Variants in ADAMTS3 observed in about 807,000 individuals in gnomAD.
ADAMTS3 encodes A disintegrin and metalloproteinase with thrombospondin motifs 3.
ADAMTS3 carries 73 observed loss-of-function variants against 129.0 expected under a neutral mutation model. The ratio of observed to expected loss-of-function variants is 0.57; its 90% CI spans 0.47 to 0.69. The LOEUF is 0.69. Ranked by LOEUF, ADAMTS3 falls within the 30% of genes least tolerant of loss-of-function variation. ADAMTS3 has a pLI of 0.00. For missense variants in ADAMTS3, 1,457 were observed against 1,514.5 expected, an observed-to-expected ratio of 0.96 and a Z score of 0.63; for synonymous variants, 477 against 510.8, an observed-to-expected ratio of 0.93 and a Z score of 0.89.
chr4:72,298,525 G>A (rs761877278), intron 17 of ADAMTS3, 83 bp from the exon 18 acceptor site: 7 of 1,101,788 alleles, frequency 6.4e-6, no homozygotes, highest in Non-Finnish European at 7.6e-6. Context: ...TCAGAATATT[G>A]CTCTTATTAA....
At chr4:72,452,692 T>G (rs1361724046) in intron 3 of ADAMTS3, among the ~76,000 whole-genome samples, 1 of 151,768 alleles carries the variant, frequency 6.6e-6, no homozygotes, top group South Asian at 2.1e-4. Flanking sequence ...ATTTCGTGCA[T>G]CAGGGATTCT....
At chr4:72,424,993 G>T (rs2109938286) in intron 3 of ADAMTS3, among the ~76,000 whole-genome samples, 1 of 152,068 alleles carries the variant, frequency 6.6e-6, no homozygotes, top group East Asian at 1.9e-4. Flanking sequence ...TATTGAAGAG[G>T]GTAGGTACTT....
chr4:72,568,469 G>C (rs1264722988), intron 1 of ADAMTS3, among the ~76,000 whole-genome samples: 2 of 152,090 alleles, frequency 1.3e-5, no homozygotes, highest in African/African-American at 4.8e-5. Context: ...GGTGTGACAA[G>C]ACTGGGCTCC....
At chr4:72,532,090 AG>A (rs1216962268) in intron 3 of ADAMTS3, among the ~76,000 whole-genome samples, 2 of 152,166 alleles carry the variant, frequency 1.3e-5, no homozygotes, top group Non-Finnish European at 2.9e-5. Context: ...TACCAGAAAA[AG>A]GAAGTCAGCT....
chr4:72,566,893 C>T (rs1722032204), intron 2 of ADAMTS3, among the ~76,000 whole-genome samples: 1 of 152,178 alleles, frequency 6.6e-6, no homozygotes, highest in Non-Finnish European at 1.5e-5. Context: ...TATTTTAAAG[C>T]AGATTGAATA....
chr4:72,411,533 C>T (rs1350338672), intron 4 of ADAMTS3, among the ~76,000 whole-genome samples: 2 of 152,004 alleles, frequency 1.3e-5, no homozygotes, highest in Admixed American at 6.6e-5. Flanking sequence ...AAGGGGCATT[C>T]TAACCATCAA....
intron 4 of ADAMTS3, among the ~76,000 whole-genome samples, chr4:72,405,213 T>G (rs1722021014): frequency 6.6e-6 from 1 of 152,074 alleles, no homozygotes; most frequent in Non-Finnish European, 1.5e-5. Flanking sequence ...AGAACTGAAA[T>G]CAGGACCTTG....
At chr4:72,339,847 T>C (rs1720089927) in intron 4 of ADAMTS3, among the ~76,000 whole-genome samples, 154 bp from the exon 5 acceptor site, 1 of 152,192 alleles carries the variant, frequency 6.6e-6, no homozygotes, top group African/African-American at 2.4e-5. Flanking sequence ...AATACGCATA[T>C]GCATACGATC....
At chr4:72,320,039 A>G (rs1190490226) in intron 7 of ADAMTS3, 76 bp from the exon 8 acceptor site, 1 of 1,255,206 alleles carries the variant, frequency 8.0e-7, no homozygotes, top group African/African-American at 1.5e-5. Flanking sequence ...ACTTTTGCCT[A>G]GGGGGAAAAA....
chr4:72,517,077 G>T (rs1177148615), intron 3 of ADAMTS3, among the ~76,000 whole-genome samples: 1 of 152,004 alleles, frequency 6.6e-6, no homozygotes, highest in African/African-American at 2.4e-5. Flanking sequence ...GGCCTTTTCT[G>T]CATCTATTGA....
At chr4:72,315,312 C>T (rs770122190) in intron 11 of ADAMTS3, among the ~76,000 whole-genome samples, 4 of 152,120 alleles carry the variant, frequency 2.6e-5, no homozygotes, top group Non-Finnish European at 5.9e-5. Flanking sequence ...AGGGTCTTTG[C>T]AAATGTGATT....
At chr4:72,554,611 A>C (rs1721719214) in intron 2 of ADAMTS3, among the ~76,000 whole-genome samples, 1 of 149,066 alleles carries the variant, frequency 6.7e-6, no homozygotes, top group East Asian at 1.9e-4. Context: ...CATGTCTTAT[A>C]ACTTTCCCCC....
intron 4 of ADAMTS3, among the ~76,000 whole-genome samples, chr4:72,409,338 G>A (rs1722130138): frequency 6.6e-6 from 1 of 152,092 alleles, no homozygotes; most frequent in Non-Finnish European, 1.5e-5. Context: ...TTTTTTCTGA[G>A]TAGGCAATTA....
chr4:72,487,051 T>C (rs1251495485), intron 3 of ADAMTS3, among the ~76,000 whole-genome samples: 3 of 152,018 alleles, frequency 2.0e-5, no homozygotes, highest in Non-Finnish European at 4.4e-5. Flanking sequence ...GAAGAAAAAA[T>C]ATTCTGAGAG....
chr4:72,445,518 G>A (rs1185414681), intron 3 of ADAMTS3, among the ~76,000 whole-genome samples: 1 of 151,768 alleles, frequency 6.6e-6, no homozygotes, highest in South Asian at 2.1e-4. Context: ...GAGTAAAATA[G>A]AAGGAACTTT....
chr4:72,541,033 C>T (rs1721309132), intron 3 of ADAMTS3, among the ~76,000 whole-genome samples: 1 of 152,162 alleles, frequency 6.6e-6, no homozygotes, highest in South Asian at 2.1e-4. Context: ...AATGATATAT[C>T]CACCAACAGC....
chr4:72,292,971 T>A (rs1339318379), intron 19 of ADAMTS3, among the ~76,000 whole-genome samples: 1 of 152,146 alleles, frequency 6.6e-6, no homozygotes, highest in African/African-American at 2.4e-5. Context: ...GTACTTCTGA[T>A]TACCTCCATT....
chr4:72,507,950 G>A (rs934197757), intron 3 of ADAMTS3, among the ~76,000 whole-genome samples: 1 of 152,078 alleles, frequency 6.6e-6, no homozygotes, highest in Non-Finnish European at 1.5e-5. Context: ...GATTTATTAA[G>A]TCACATATGC....
At chr4:72,445,281 A>G (rs1186916566) in intron 3 of ADAMTS3, among the ~76,000 whole-genome samples, 1 of 151,754 alleles carries the variant, frequency 6.6e-6, no homozygotes, top group East Asian at 2.0e-4. Context: ...AACACATGAA[A>G]TAAATACTTG....
Sources: gnomAD v4.1 joint callset for allele counts (sites outside exome capture counted in the v4.1 genomes callset) on GRCh38, gnomAD v4.1.1 for gene constraint, MANE v1.5 for transcripts, NCBI Gene and HGNC (gene_info 2026-07-23, HGNC 2026-07-21) for gene names.